The following NTRK3 variants were observed in gnomAD, a reference collection of about 807,000 sequenced individuals.
NTRK3 encodes the protein neurotrophic receptor tyrosine kinase 3.
Under a neutral mutation model 91.7 loss-of-function variants are expected in NTRK3, and 24 were observed. The observed-to-expected ratio is 0.26, with a 90% CI of 0.19 to 0.37. The LOEUF (loss-of-function observed/expected upper bound fraction) is 0.37. NTRK3 is among the 10% of genes least tolerant of loss of function. NTRK3 has a pLI of 1.00. For synonymous variants in NTRK3, 483 were observed against 404.0 expected (o/e 1.20, Z -2.34); for missense variants, 880 against 1,068.9 (o/e 0.82, Z 2.46).
In NTRK3 at chr15:88,184,385, C is replaced by T. The variant is rs967027224; in HGVS notation, c.249-86G>A. 1.7e-5 allele frequency: 22 copies of T among 1,268,750 alleles called. 1 individual carries two copies. The South Asian group carries it at 2.5e-4, about 15-fold the overall frequency. 78.6% of individuals were successfully genotyped at this position (1,268,750 alleles called of 1,614,324 possible). A position where few individuals can be genotyped will look rare whatever the true frequency, so the allele number is the denominator to read the frequency against. ...GAGCCACAGAGACCTGGCTTTGATC[C>T]CCGATGAGCTAATTGATTGCCAGGC... On this transcript the variant is annotated intron_variant, in intron 3 of 18. Transcript: ENST00000394480.
intron 13 of NTRK3, among the ~76,000 whole-genome samples, chr15:88,043,834 C>A (rs1295195200): frequency 6.6e-6 from 1 of 152,116 alleles, no homozygotes; most frequent in African/African-American, 2.4e-5. Flanking sequence ...AACTTGGGGT[C>A]TTATAGGCAC....
At chr15:87,930,599 A>C (rs2068710368) in intron 16 of NTRK3, among the ~76,000 whole-genome samples, 1 of 151,884 alleles carries the variant, frequency 6.6e-6, no homozygotes, top group South Asian at 2.1e-4. Context: ...TCTCAACACC[A>C]CCAATATGGA....
At chr15:88,202,439 T>C (rs1275767931) in intron 3 of NTRK3, among the ~76,000 whole-genome samples, 1 of 152,220 alleles carries the variant, frequency 6.6e-6, no homozygotes, top group Non-Finnish European at 1.5e-5. Flanking sequence ...GAATGCCCCA[T>C]TCTCTAAAGC....
chr15:88,101,980 C>T (rs574758075), intron 13 of NTRK3, among the ~76,000 whole-genome samples: 52 of 151,806 alleles, frequency 3.4e-4, no homozygotes, highest in Non-Finnish European at 6.5e-4. Flanking sequence ...CAAACCTGCA[C>T]GTTGTACACA....
chr15:87,876,012 A>T (rs2064937486), exon 19 of NTRK3: 1 of 232,524 alleles, frequency 4.3e-6, no homozygotes, highest in African/African-American at 2.2e-5. Flanking sequence ...GTGGGAGGTG[A>T]GGCCAAGGAA....
At chr15:88,245,539 A>G (rs534744984) in intron 3 of NTRK3, among the ~76,000 whole-genome samples, 2 of 152,328 alleles carry the variant, frequency 1.3e-5, no homozygotes, top group East Asian at 3.9e-4. Flanking sequence ...GTCTAACCAA[A>G]TACCCTGGAT....
At chr15:87,872,299 G>C (rs139374743) in exon 19 of NTRK3, 113 of 221,428 alleles carry the variant, frequency 5.1e-4, no homozygotes, top group Admixed American at 8.6e-4. Context: ...TTGGAGTCAA[G>C]GTAATACTGC....
intron 13 of NTRK3, among the ~76,000 whole-genome samples, chr15:88,097,473 T>C (rs937261527): frequency 6.6e-6 from 1 of 152,204 alleles, no homozygotes; most frequent in African/African-American, 2.4e-5. Context: ...AGAGGCTTTG[T>C]TGATTGGTCA....
At chr15:88,087,525 T>G (rs2048614512) in intron 13 of NTRK3, among the ~76,000 whole-genome samples, 1 of 151,524 alleles carries the variant, frequency 6.6e-6, no homozygotes, top group Non-Finnish European at 1.5e-5. Context: ...AGGAAGAGAG[T>G]GTAGGCAGGA....
At chr15:88,115,817 G>A (rs1037603028) in intron 13 of NTRK3, among the ~76,000 whole-genome samples, 4 of 152,262 alleles carry the variant, frequency 2.6e-5, no homozygotes, top group Middle Eastern at 6.8e-3. Context: ...TCTGAGGCCG[G>A]CGGGCAGCCC....
At chr15:88,049,748 G>T (rs2080624835) in intron 13 of NTRK3, among the ~76,000 whole-genome samples, 1 of 152,176 alleles carries the variant, frequency 6.6e-6, no homozygotes, top group African/African-American at 2.4e-5. Context: ...AGACACTGTG[G>T]TGCAGCTGAG....
At chr15:87,906,726 C>T (rs567605266) in intron 17 of NTRK3, among the ~76,000 whole-genome samples, 76 of 152,178 alleles carry the variant, frequency 5.0e-4, no homozygotes, top group South Asian at 1.2e-3. Flanking sequence ...ATTGCTTTGA[C>T]GTCCCTACCT....
intron 5 of NTRK3, among the ~76,000 whole-genome samples, chr15:88,179,339 A>G (rs2046265228): frequency 6.6e-6 from 1 of 152,228 alleles, no homozygotes; most frequent in South Asian, 2.1e-4. Context: ...ATTCCTGGAA[A>G]GAGAATCAGA....
chr15:88,242,132 G>A (rs1219969069), intron 3 of NTRK3, among the ~76,000 whole-genome samples: 4 of 152,194 alleles, frequency 2.6e-5, no homozygotes, highest in Non-Finnish European at 4.4e-5. Flanking sequence ...CTCCCTCCCT[G>A]TCTCACTTCC....
chr15:88,064,490 TC>T (rs2046480939), intron 13 of NTRK3, among the ~76,000 whole-genome samples: 1 of 152,092 alleles, frequency 6.6e-6, no homozygotes, highest in Admixed American at 6.5e-5. Context: ...CATTTTACAC[TC>T]CCACAGCCTC....
intron 10 of NTRK3, 31 bp downstream of exon 10, chr15:88,135,070 T>C (rs373709711): frequency 3.7e-6 from 6 of 1,613,428 alleles, no homozygotes; most frequent in Non-Finnish European, 5.1e-6. Context: ...AAAGAATCCA[T>C]ACACCTCCGA....
chr15:87,912,930 AAATATATAT>A (rs1184998065), intron 17 of NTRK3, among the ~76,000 whole-genome samples: 1 of 29,610 alleles, frequency 3.4e-5, no homozygotes, highest in African/African-American at 3.5e-4. Flanking sequence ...AAGTAAAAAA[AAATATATAT>A]ATATATATAT....
intron 17 of NTRK3, among the ~76,000 whole-genome samples, chr15:87,884,942 G>T (rs570853188): frequency 2.6e-5 from 4 of 151,902 alleles, no homozygotes; most frequent in African/African-American, 9.6e-5. Flanking sequence ...AATAAAGCAA[G>T]AATTTTTTAA....
chr15:87,904,831 G>C (rs1376811264), intron 17 of NTRK3, among the ~76,000 whole-genome samples: 1 of 152,220 alleles, frequency 6.6e-6, no homozygotes, highest in African/African-American at 2.4e-5. Flanking sequence ...ATGCAGAAGA[G>C]AGAAGCCAAC....
Sources: allele counts gnomAD v4.1 joint callset (sites outside exome capture counted in the v4.1 genomes callset), GRCh38; gene constraint gnomAD v4.1.1; transcripts MANE v1.5; gene names NCBI Gene and HGNC (gene_info 2026-07-23, HGNC 2026-07-21).